CTNNA2: variants seen among roughly 807,000 people sequenced by gnomAD.
The protein encoded by CTNNA2 is catenin alpha-2.
Under a neutral mutation model 101.0 loss-of-function variants are expected in CTNNA2, and 42 were observed. The ratio of observed to expected loss-of-function variants is 0.42; its 90% CI spans 0.32 to 0.54. CTNNA2 has a LOEUF of 0.54. CTNNA2 is among the 20% of genes least tolerant of loss of function. The pLI is 0.14. For missense variants in CTNNA2, 871 were observed against 1,223.1 expected (o/e 0.71, Z 4.29); for synonymous variants, 450 against 456.4 (o/e 0.99, Z 0.18).
intron 3 of CTNNA2, among the ~76,000 whole-genome samples, chr2:79,370,407 C>T (rs932387159): frequency 2.0e-5 from 3 of 152,210 alleles, no homozygotes; most frequent in Admixed American, 2.0e-4. Context: ...GCCAAAACTC[C>T]TGAGTGAATA....
At chr2:80,512,346 C>T (rs1452977639) in intron 9 of CTNNA2, among the ~76,000 whole-genome samples, 2 of 151,994 alleles carry the variant, frequency 1.3e-5, no homozygotes, top group East Asian at 3.9e-4. Context: ...ACCTTATGTG[C>T]TGGGTAGTTC....
At chr2:80,023,557 G>C (rs561616953) in intron 7 of CTNNA2, among the ~76,000 whole-genome samples, 1 of 152,204 alleles carries the variant, frequency 6.6e-6, no homozygotes, top group South Asian at 2.1e-4. Context: ...TATTTCCAAA[G>C]TACGTAGGAC....
chr2:80,625,981 T>G (rs1671644499), intron 18 of CTNNA2, among the ~76,000 whole-genome samples: 2 of 152,060 alleles, frequency 1.3e-5, no homozygotes, highest in African/African-American at 4.8e-5. Context: ...CAGAATTTTT[T>G]CCCAAAAAGC....
chr2:80,310,955 A>C (rs972261058), intron 7 of CTNNA2, among the ~76,000 whole-genome samples: 1 of 143,804 alleles, frequency 7.0e-6, no homozygotes, highest in Non-Finnish European at 1.5e-5. Context: ...CCTGGGTGAC[A>C]GTGCGAGACT....
chr2:79,854,182 G>A (rs373312129), intron 3 of CTNNA2, among the ~76,000 whole-genome samples: 3 of 152,026 alleles, frequency 2.0e-5, no homozygotes, highest in East Asian at 3.9e-4. Context: ...AGCATATGTT[G>A]TCTTGCTTCT....
chr2:80,145,944 C>T (rs922466281), intron 7 of CTNNA2, among the ~76,000 whole-genome samples: 3 of 152,150 alleles, frequency 2.0e-5, no homozygotes, highest in African/African-American at 7.2e-5. Context: ...AGTCTATTTC[C>T]CCTCTTCTGG....
chr2:80,011,064 C>T (rs1693740034), intron 7 of CTNNA2, among the ~76,000 whole-genome samples: 6 of 152,060 alleles, frequency 3.9e-5, no homozygotes, highest in Admixed American at 3.9e-4. Context: ...TCACAAGGGA[C>T]ACCTCCCCAC....
chr2:80,174,711 A>G (rs998563345), intron 7 of CTNNA2, among the ~76,000 whole-genome samples: 3 of 152,324 alleles, frequency 2.0e-5, no homozygotes, highest in East Asian at 3.9e-4. Flanking sequence ...TTCTCAAAGA[A>G]TGGCAACTTA....
chr2:79,361,227 G>A (rs1369902814), intron 3 of CTNNA2, among the ~76,000 whole-genome samples: 1 of 152,148 alleles, frequency 6.6e-6, no homozygotes, highest in Non-Finnish European at 1.5e-5. Context: ...TTTATTGGCT[G>A]TTTTTTAATA....
chr2:79,643,954 G>T (rs542902705), intron 1 of CTNNA2, among the ~76,000 whole-genome samples: 1 of 152,080 alleles, frequency 6.6e-6, no homozygotes, highest in Non-Finnish European at 1.5e-5. Context: ...TTTTCCCTTA[G>T]CCCTACCCGT....
At chr2:80,015,028 G>C (rs530736655) in intron 7 of CTNNA2, among the ~76,000 whole-genome samples, 1 of 152,116 alleles carries the variant, frequency 6.6e-6, no homozygotes, top group African/African-American at 2.4e-5. Flanking sequence ...GGACCAAAAA[G>C]TTATTTCAAT....
At chr2:80,379,420 G>A (rs1229562854) in intron 7 of CTNNA2, among the ~76,000 whole-genome samples, 1 of 152,132 alleles carries the variant, frequency 6.6e-6, no homozygotes, top group African/African-American at 2.4e-5. Flanking sequence ...TGCCTAGCCT[G>A]TATTGTTTTA....
intron 3 of CTNNA2, among the ~76,000 whole-genome samples, chr2:79,362,934 A>G (rs1677663678): frequency 6.6e-6 from 1 of 152,212 alleles, no homozygotes; most frequent in Admixed American, 6.5e-5. Flanking sequence ...CCTAACAGAT[A>G]GGAGACAAAG....
chr2:80,648,069 A>G lies in CTNNA2; in HGVS notation c.*197A>G. On this transcript the variant is annotated 3_prime_UTR_variant, in exon 19 of 19. Transcript: ENST00000402739. ...CTGTAGCCTGGGAAGGAGACAGGACATTCCTGTACTAAGGTGGCACAGAGC... is the reference window on the plus strand; with the variant it reads ...CTGTAGCCTGGGAAGGAGACAGGACGTTCCTGTACTAAGGTGGCACAGAGC... 1 of 507,044 alleles carries G rather than the reference A, an allele frequency of 2.0e-6. No individual in the cohort carries two copies. The highest frequency in any genetic ancestry group is 3.5e-6 in the Non-Finnish European group (1 of 289,598). 31.4% of individuals were successfully genotyped at this position (507,044 alleles called of 1,614,324 possible).
At chr2:80,101,277 T>C (rs1471238998) in intron 7 of CTNNA2, among the ~76,000 whole-genome samples, 2 of 152,206 alleles carry the variant, frequency 1.3e-5, no homozygotes, top group Non-Finnish European at 2.9e-5. Flanking sequence ...TCTAAAATGC[T>C]TTGTGATTGC....
intron 3 of CTNNA2, among the ~76,000 whole-genome samples, chr2:79,757,298 T>G (rs1374064565): frequency 2.0e-5 from 3 of 152,242 alleles, no homozygotes; most frequent in Non-Finnish European, 4.4e-5. Flanking sequence ...TCTGTTGATA[T>G]GCTTAGCAAA....
chr2:79,550,119 C>T (rs1188711807), intron 1 of CTNNA2, among the ~76,000 whole-genome samples: 1 of 152,098 alleles, frequency 6.6e-6, no homozygotes, highest in Non-Finnish European at 1.5e-5. Flanking sequence ...TTTCAGTTCC[C>T]TGGATATCAA....
intron 3 of CTNNA2, among the ~76,000 whole-genome samples, chr2:79,747,665 G>C (rs985056012): frequency 2.0e-5 from 3 of 152,058 alleles, no homozygotes; most frequent in Admixed American, 6.5e-5. Flanking sequence ...TTGTGTTCTC[G>C]TGGATATAAT....
intron 11 of CTNNA2, among the ~76,000 whole-genome samples, chr2:80,551,839 C>G (rs1247694370): frequency 6.6e-6 from 1 of 152,132 alleles, no homozygotes. Flanking sequence ...AGAACTTTTT[C>G]TTGTACTTAC....
Sources: allele counts gnomAD v4.1 joint callset (sites outside exome capture counted in the v4.1 genomes callset), GRCh38; gene constraint gnomAD v4.1.1; transcripts MANE v1.5; gene names NCBI Gene and HGNC (gene_info 2026-07-23, HGNC 2026-07-21).